ARHGAP32: variants seen among roughly 807,000 people sequenced by gnomAD.
ARHGAP32 encodes the protein Rho GTPase activating protein 32, also known as rho GTPase-activating protein 32.
ARHGAP32 carries 51 observed loss-of-function variants against 186.5 expected under a neutral mutation model. That is an observed-to-expected ratio of 0.27 (90% CI 0.22 to 0.35). The LOEUF is 0.35. Among genes scored for constraint, ARHGAP32 ranks in the 10% least tolerant of loss-of-function variants. ARHGAP32 has a pLI of 1.00. For synonymous variants in ARHGAP32, 950 were observed against 964.3 expected, an observed-to-expected ratio of 0.99 and a Z score of 0.27; for missense variants, 2,186 against 2,623.5, an observed-to-expected ratio of 0.83 and a Z score of 3.64.
At chr11:129,030,006 A>G (rs1939044602) in intron 11 of ARHGAP32, among the ~76,000 whole-genome samples, 1 of 152,124 alleles carries the variant, frequency 6.6e-6, no homozygotes, top group South Asian at 2.1e-4. Context: ...GTGAGAAAAT[A>G]TTATCTTGAT....
At chr11:129,087,915 T>C (rs1941459889) in intron 6 of ARHGAP32, among the ~76,000 whole-genome samples, 2 of 152,220 alleles carry the variant, frequency 1.3e-5, no homozygotes, top group South Asian at 2.1e-4. Context: ...TAAAAAGTTA[T>C]TAATTTTTTG....
intron 10 of ARHGAP32, among the ~76,000 whole-genome samples, chr11:129,046,695 T>C (rs1939821039): frequency 6.6e-6 from 1 of 152,068 alleles, no homozygotes; most frequent in Admixed American, 6.6e-5. Flanking sequence ...ACTACTGCAA[T>C]AAAATAAGCC....
At chr11:129,058,487 A>G (rs1002934143) in intron 10 of ARHGAP32, among the ~76,000 whole-genome samples, 2 of 152,170 alleles carry the variant, frequency 1.3e-5, no homozygotes, top group African/African-American at 4.8e-5. Context: ...GCTTTTCAAA[A>G]TTAAAATTTT....
chr11:129,177,636 A>C (rs552019438), intron 1 of ARHGAP32, among the ~76,000 whole-genome samples: 160 of 152,196 alleles, frequency 1.1e-3, no homozygotes, highest in African/African-American at 3.2e-3. Context: ...GTTCAATATA[A>C]GCAAATCAAT....
chr11:128,978,102 G>A (rs1257983104), intron 19 of ARHGAP32, among the ~76,000 whole-genome samples: 1 of 151,914 alleles, frequency 6.6e-6, no homozygotes, highest in East Asian at 1.9e-4. Flanking sequence ...GGAAGGCAGA[G>A]GTACTACCCT....
rs1447908219 is a variant in ARHGAP32 at position 128,972,375 on chromosome 11, TAAC to T, written c.4053+75_4053+77del. ...GTAATTGTTGTGTCTGACTCAAAGA[TAAC>T]AACACACCCTGCTGAAAAGTGACAT... On this transcript the variant is annotated intron_variant, in intron 22 of 22. Coordinates refer to ENST00000682385, the MANE Select transcript of ARHGAP32 (RefSeq NM_001378024.1). 8 of 1,440,232 alleles carry T rather than the reference TAAC, an allele frequency of 5.6e-6. No homozygotes were observed. The East Asian group carries it at 1.6e-4, about 29-fold the overall frequency. The allele number at this position is 1,440,232 out of a possible 1,614,324, so 89.2% of individuals were successfully genotyped here. A position where few individuals can be genotyped will look rare whatever the true frequency, so the allele number is the denominator to read the frequency against.
At chr11:129,236,075 G>C (rs1944928736) in intron 1 of ARHGAP32, among the ~76,000 whole-genome samples, 1 of 151,998 alleles carries the variant, frequency 6.6e-6, no homozygotes, top group South Asian at 2.1e-4. Flanking sequence ...TTTTCCTCCG[G>C]GTAGATACCT....
chr11:129,169,413 C>T (rs1464565772), intron 1 of ARHGAP32, among the ~76,000 whole-genome samples: 2 of 151,890 alleles, frequency 1.3e-5, no homozygotes, highest in African/African-American at 4.8e-5. Flanking sequence ...GGGTGGATCA[C>T]GAGGTCAGGA....
chr11:129,272,566 C>G (rs1295929883), intron 1 of ARHGAP32, among the ~76,000 whole-genome samples: 1 of 152,198 alleles, frequency 6.6e-6, no homozygotes, highest in African/African-American at 2.4e-5. Context: ...CAGTTTCTAG[C>G]TGGGCCAACA....
At chr11:129,233,548 C>T (rs1440214164) in intron 1 of ARHGAP32, among the ~76,000 whole-genome samples, 1 of 151,694 alleles carries the variant, frequency 6.6e-6, no homozygotes, top group East Asian at 1.9e-4. Flanking sequence ...TTTTCGGATG[C>T]CTTAGAGAAG....
In ARHGAP32 at chr11:129,066,773, G is replaced by C. The variant is rs780320866; in HGVS notation, c.627C>G (p.Leu209=). The part of the protein sequence containing the change: ...LCIYDRRFSQ[L]SELPRSDTLK... ...GGGTGTCAGAACGGGGAAGTTCTGA[G>C]AGCTGGGAAAATCTTCGGTCATAAA... Residue 209 remains leucine (L), a synonymous_variant, in exon 7 of 23, where the codon CTC becomes CTG. Coordinates refer to ENST00000682385, the MANE Select transcript of ARHGAP32 (RefSeq NM_001378024.1). The C allele has an allele frequency of 6.2e-7, 1 of 1,612,488 alleles. No individual in the cohort carries two copies. The highest frequency in any genetic ancestry group is 1.7e-5 in the Admixed American group (1 of 59,832).
chr11:129,203,813 G>C (rs912420274), intron 1 of ARHGAP32, among the ~76,000 whole-genome samples: 1 of 149,988 alleles, frequency 6.7e-6, no homozygotes, highest in Non-Finnish European at 1.5e-5. Flanking sequence ...GAGGTGAGAG[G>C]CTTGAGCCCA....
At chr11:129,171,805 A>C (rs1013023345) in intron 1 of ARHGAP32, among the ~76,000 whole-genome samples, 9 of 152,172 alleles carry the variant, frequency 5.9e-5, no homozygotes, top group Admixed American at 2.0e-4. Flanking sequence ...ACCATGAAGA[A>C]GGAATGTTTT....
chr11:129,224,577 CCA>C (rs1565473191), intron 1 of ARHGAP32, among the ~76,000 whole-genome samples: 1 of 151,916 alleles, frequency 6.6e-6, no homozygotes, highest in African/African-American at 2.4e-5. Flanking sequence ...ATCTGCAGCT[CCA>C]CAGTCACCAT....
chr11:129,277,532 CAATGTG>C (rs1312972703), intron 1 of ARHGAP32, among the ~76,000 whole-genome samples: 1 of 152,214 alleles, frequency 6.6e-6, no homozygotes, highest in East Asian at 1.9e-4. Context: ...TCACCCACCT[CAATGTG>C]AACGATCATA....
rs901433547 is a variant in ARHGAP32 at position 128,972,872 on chromosome 11, A to C, written c.3634T>G (p.Leu1212Val). 6.2e-7 allele frequency: 1 copy of C among 1,613,934 alleles called. No individual in the cohort carries two copies. The highest frequency in any genetic ancestry group is 8.5e-7 in the Non-Finnish European group (1 of 1,180,010). ...CGGGGTGGAGACTGGTCCTGATCCA[A>C]GAAGGAGACAGTTGGCATACTGTTC... ...GKNSMPTVSF[L>V]DQDQSPPRFY... Residue 1212 changes from leucine (L) to valine (V), a missense_variant, in exon 22 of 23, where the codon TTG (leucine) becomes GTG (valine). Physicochemically the swap from Leu to Val is conservative, Grantham distance 32 (BLOSUM62 1). Coordinates refer to ENST00000682385, the MANE Select transcript of ARHGAP32 (RefSeq NM_001378024.1).
intron 11 of ARHGAP32, among the ~76,000 whole-genome samples, chr11:129,013,670 G>A (rs879029788): frequency 1.3e-5 from 2 of 152,004 alleles, no homozygotes; most frequent in South Asian, 2.1e-4. Context: ...TCAAATTTGA[G>A]GATCTAGTAA....
intron 1 of ARHGAP32, among the ~76,000 whole-genome samples, chr11:129,260,270 A>G (rs1344050769): frequency 6.6e-6 from 1 of 152,176 alleles, no homozygotes; most frequent in African/African-American, 2.4e-5. Flanking sequence ...GTCAAACACA[A>G]ATAACATCAC....
intron 2 of ARHGAP32, among the ~76,000 whole-genome samples, chr11:129,143,858 T>C (rs542362688): frequency 6.6e-6 from 1 of 152,186 alleles, no homozygotes; most frequent in Admixed American, 6.5e-5. Context: ...CTGTGCCTAA[T>C]TTATAAATTA....
Sources: gnomAD v4.1 joint callset for allele counts (sites outside exome capture counted in the v4.1 genomes callset) on GRCh38, gnomAD v4.1.1 for gene constraint, MANE v1.5 for transcripts, NCBI Gene and HGNC (gene_info 2026-07-23, HGNC 2026-07-21) for gene names.